Variants in NRXN3 observed in about 807,000 individuals in gnomAD.
NRXN3 encodes neurexin 3.
A neutral mutation model predicts 137.6 loss-of-function variants in NRXN3; 32 were observed. That is an observed-to-expected ratio of 0.23 (90% CI 0.18 to 0.31). The LOEUF is 0.31. Among genes scored for constraint, NRXN3 ranks in the 10% least tolerant of loss-of-function variants. The probability of loss-of-function intolerance (pLI) is 1.00; values close to 1 mark genes in which losing one functional copy is unlikely to be tolerated. For synonymous variants in NRXN3, 798 were observed against 784.5 expected (o/e 1.02, Z -0.29); for missense variants, 1,574 against 2,062.5 (o/e 0.76, Z 4.59).
chr14:78,402,680 C>G (rs1237912481), intron 4 of NRXN3, among the ~76,000 whole-genome samples: 1 of 152,174 alleles, frequency 6.6e-6, no homozygotes, highest in African/African-American at 2.4e-5. Flanking sequence ...TCACATAGGT[C>G]TAATCCTGAA....
chr14:79,316,611 G>C (rs1598627009), intron 15 of NRXN3, among the ~76,000 whole-genome samples: 1 of 151,954 alleles, frequency 6.6e-6, no homozygotes, highest in South Asian at 2.1e-4. Flanking sequence ...CAGTTATCTG[G>C]GTGCATGCCA....
At chr14:78,300,191 TACA>T (rs2076740070) in intron 4 of NRXN3, among the ~76,000 whole-genome samples, 1 of 152,270 alleles carries the variant, frequency 6.6e-6, no homozygotes, top group South Asian at 2.1e-4. Flanking sequence ...ATGTTGTGTG[TACA>T]ACACCTATAC....
intron 15 of NRXN3, among the ~76,000 whole-genome samples, chr14:79,134,388 GGTAA>G (rs1424669329): frequency 6.6e-6 from 1 of 152,132 alleles, no homozygotes; most frequent in Admixed American, 6.5e-5. Flanking sequence ...CAAAAAAAAT[GGTAA>G]GAGACTATCT....
intron 3 of NRXN3, among the ~76,000 whole-genome samples, chr14:78,290,050 A>C (rs991825550): frequency 6.6e-6 from 1 of 152,204 alleles, no homozygotes; most frequent in Non-Finnish European, 1.5e-5. Flanking sequence ...TCATGGTCCT[A>C]GGTATTCTCC....
chr14:78,595,414 G>A (rs991862082), intron 4 of NRXN3, among the ~76,000 whole-genome samples: 12 of 152,154 alleles, frequency 7.9e-5, no homozygotes, highest in East Asian at 1.9e-4. Flanking sequence ...GAGTAAGGTC[G>A]CCTCCTTTCC....
At chr14:79,093,147 G>A (rs934094223) in intron 15 of NRXN3, among the ~76,000 whole-genome samples, 1 of 152,150 alleles carries the variant, frequency 6.6e-6, no homozygotes, top group African/African-American at 2.4e-5. Context: ...AAGGAAAGAG[G>A]CAACTTCAAG....
At chr14:79,756,318 A>G (rs931308950) in intron 19 of NRXN3, among the ~76,000 whole-genome samples, 8 of 152,190 alleles carry the variant, frequency 5.3e-5, no homozygotes, top group African/African-American at 1.7e-4. Flanking sequence ...ATATCATCAT[A>G]TAAATCAGAA....
intron 16 of NRXN3, among the ~76,000 whole-genome samples, chr14:79,539,546 T>C (rs1386945525): frequency 6.6e-6 from 1 of 152,212 alleles, no homozygotes. Context: ...TTTATTTTTC[T>C]CTCAGATTCA....
intron 4 of NRXN3, among the ~76,000 whole-genome samples, chr14:78,637,188 A>C (rs1414566741): frequency 2.0e-5 from 3 of 152,114 alleles, no homozygotes; most frequent in Non-Finnish European, 4.4e-5. Context: ...GAGCCTATAC[A>C]TGTGTCCATT....
chr14:79,175,788 C>A (rs1430242890), intron 15 of NRXN3, among the ~76,000 whole-genome samples: 2 of 152,220 alleles, frequency 1.3e-5, no homozygotes, highest in African/African-American at 4.8e-5. Flanking sequence ...CTTCTGGGTT[C>A]TGTTGCTGGC....
At chr14:79,269,860 C>A (rs913564980) in intron 15 of NRXN3, among the ~76,000 whole-genome samples, 2 of 152,132 alleles carry the variant, frequency 1.3e-5, no homozygotes, top group Non-Finnish European at 2.9e-5. Flanking sequence ...CTACAGACAA[C>A]TTGTATTGCA....
At chr14:79,090,810 C>G (rs1447010388) in intron 15 of NRXN3, among the ~76,000 whole-genome samples, 1 of 152,138 alleles carries the variant, frequency 6.6e-6, no homozygotes, top group Non-Finnish European at 1.5e-5. Context: ...ACTGCCTAAA[C>G]ATACATGGTA....
At chr14:79,144,377 C>T (rs1265978599) in intron 15 of NRXN3, among the ~76,000 whole-genome samples, 8 of 152,126 alleles carry the variant, frequency 5.3e-5, no homozygotes, top group Non-Finnish European at 7.4e-5. Context: ...GCAAAAAACT[C>T]GGATGCATGT....
chr14:78,337,158 G>A lies in NRXN3; in HGVS notation c.757+39298G>A, dbSNP rs144112074. Among the ~76,000 whole-genome samples, 385 of 152,170 alleles carry A rather than the reference G, an allele frequency of 2.5e-3. 5 individuals are homozygous for A. Among genetic ancestry groups the A allele is most frequent in the African/African-American group, 8.9e-3 (370 of 41,516 alleles). On this transcript the variant is annotated intron_variant, in intron 4 of 20. Coordinates refer to ENST00000335750, the MANE Select transcript of NRXN3 (RefSeq NM_001330195.2). The stretch of plus-strand genomic sequence containing the variant: ...TAACTAGCAGTAATTTCACTTACTG[G>A]GGGAGGCAGCAGGCATGCCTTCACA...
At chr14:79,098,965 C>A (rs575608789) in intron 15 of NRXN3, among the ~76,000 whole-genome samples, 1 of 152,186 alleles carries the variant, frequency 6.6e-6, no homozygotes, top group East Asian at 1.9e-4. Context: ...ACATAGTCAC[C>A]CTTTAATCAA....
intron 4 of NRXN3, among the ~76,000 whole-genome samples, chr14:78,308,014 C>T (rs2077545327): frequency 6.6e-6 from 1 of 152,030 alleles, no homozygotes; most frequent in Admixed American, 6.6e-5. Context: ...TGCTTCCCTG[C>T]AGGTTGGAAG....
intron 15 of NRXN3, among the ~76,000 whole-genome samples, chr14:79,242,380 A>C (rs1000627242): frequency 6.6e-6 from 1 of 152,148 alleles, no homozygotes; most frequent in Admixed American, 6.5e-5. Context: ...CTCAGCATGC[A>C]TGCTGGCTCA....
chr14:79,828,648 T>A (rs1225764224), intron 20 of NRXN3, among the ~76,000 whole-genome samples: 4 of 63,222 alleles, frequency 6.3e-5, no homozygotes, highest in Non-Finnish European at 1.1e-4. Context: ...AAAGTAAAAT[T>A]GTCTTTTTTT....
Position 79,645,671 on chromosome 14 carries a change from G to T in NRXN3, c.3445-18107G>T, listed in dbSNP as rs915966858. On this transcript the variant is annotated intron_variant, in intron 16 of 20. Coordinates refer to ENST00000335750, the MANE Select transcript of NRXN3 (RefSeq NM_001330195.2). ...GTATTAATGCCTGGTATAATACCTC[G>T]CACACAGAAGGTGTTCCATATATGC... Among the ~76,000 whole-genome samples, 3 of 132,918 alleles carry T rather than the reference G, an allele frequency of 2.3e-5. 1 individual carries two copies. Among genetic ancestry groups the T allele is most frequent in the Non-Finnish European group, 5.2e-5 (3 of 57,314 alleles). The allele number at this position is 132,918 out of a possible 152,430, so 87.2% of individuals were successfully genotyped here.
Sources: gnomAD v4.1 joint callset for allele counts (sites outside exome capture counted in the v4.1 genomes callset) on GRCh38, gnomAD v4.1.1 for gene constraint, MANE v1.5 for transcripts, NCBI Gene and HGNC (gene_info 2026-07-23, HGNC 2026-07-21) for gene names.